The following HRG variants were observed in gnomAD, a reference collection of about 807,000 sequenced individuals.
HRG encodes histidine rich glycoprotein, also known as histidine-rich glycoprotein.
HRG carries 26 observed loss-of-function variants against 29.5 expected under a neutral mutation model. That is an observed-to-expected ratio of 0.88 (90% confidence interval 0.65 to 1.22). HRG has a LOEUF of 1.22. HRG is among the 50% of genes most tolerant of loss of function. The pLI is 0.00. For missense variants in HRG, 671 were observed against 654.5 expected (o/e 1.03, Z -0.28); for synonymous variants, 243 against 240.4 (o/e 1.01, Z -0.10).
At position 186,676,251 on chromosome 3, in the gene HRG, A is replaced by G. The variant is rs142981587; in HGVS notation, c.742-796A>G. ...AGTGTTCAGCCTTTAGGAGTAAGGG[A>G]TGTTGATACCATCAAGCCTCAGTTA... On this transcript the variant is annotated intron_variant, in intron 6 of 6. Transcript: ENST00000232003. Among the ~76,000 whole-genome samples, 439 of 152,246 alleles carry G rather than the reference A, an allele frequency of 2.9e-3. 4 individuals carry two copies. The highest frequency in any genetic ancestry group is 0.01 in the African/African-American group (428 of 41,544).
At chr3:186,666,284 A>T (rs936476095) in intron 1 of HRG, 70 bp downstream of exon 1, 2 of 1,484,304 alleles carry the variant, frequency 1.3e-6, no homozygotes, top group Non-Finnish European at 1.9e-6. Flanking sequence ...TCTACCCCCT[A>T]GGCTTACTGC....
At chr3:186,671,200 T>C (rs1718776916) in intron 3 of HRG, among the ~76,000 whole-genome samples, 1 of 141,610 alleles carries the variant, frequency 7.1e-6, no homozygotes, top group South Asian at 2.2e-4. Context: ...TTATTTAATA[T>C]ATATGTTAAT....
rs56248425 is a variant in HRG at position 186,675,865 on chromosome 3, CTT to C, written c.741+695_741+696del. The stretch of plus-strand genomic sequence containing the variant: ...ATTGTCACCATGAACATGGCTCTGT[CTT>C]TTTTTTTTTTTTTTTTTTTGAGAAG... On this transcript the variant is annotated intron_variant, in intron 6 of 6. Coordinates refer to ENST00000232003, the MANE Select transcript of HRG (RefSeq NM_000412.5). Among the ~76,000 whole-genome samples, 392 of 97,074 alleles carry C rather than the reference CTT, an allele frequency of 4.0e-3. 1 individual carries two copies. Among genetic ancestry groups the C allele is most frequent in the African/African-American group, 0.013 (326 of 24,954 alleles). The allele number at this position is 97,074 out of a possible 152,430, so 63.7% of individuals were successfully genotyped here. A position where few individuals can be genotyped will look rare whatever the true frequency, so the allele number is the denominator to read the frequency against.
In HRG at chr3:186,671,737, A is replaced by C. The variant is rs755982098; in HGVS notation, c.506A>C (p.Asn169Thr). 2 of 1,614,064 alleles carry C rather than the reference A, an allele frequency of 1.2e-6. No homozygotes were observed. Among genetic ancestry groups the C allele is most frequent in the East Asian group, 4.5e-5 (2 of 44,876 alleles). Reference protein sequence around the residue: ...NKALEKYKEENDDFASFRVDR... With the variant: ...NKALEKYKEETDDFASFRVDR... Reference sequence around the variant, plus strand: ...GCCCTTGAGAAGTACAAAGAGGAGAATGATGACTTTGCCTCTTTCAGAGTG... The same window carrying C: ...GCCCTTGAGAAGTACAAAGAGGAGACTGATGACTTTGCCTCTTTCAGAGTG... The change falls in exon 4 of 7, where the codon AAT (asparagine) becomes ACT (threonine). Residue 169 changes from asparagine (N) to threonine (T), a missense_variant. Asn to Thr is a moderately conservative substitution (Grantham distance 65, BLOSUM62 0). Transcript: ENST00000232003.
chr3:186,675,312 A>T lies in HRG; in HGVS notation c.741+122A>T, dbSNP rs867915045. On this transcript the variant is annotated intron_variant, in intron 6 of 6. Coordinates refer to ENST00000232003, the MANE Select transcript of HRG (RefSeq NM_000412.5). ...GTGTGTGTGTGTGTGTGTGTGTGAG[A>T]GAGAGAGAGAGAGAGAGAGACAGAG... 1.7e-3 allele frequency: 1,093 copies of T among 628,978 alleles called. 5 individuals carry two copies. The African/African-American group carries it at 0.02, about 11-fold the overall frequency. 39.0% of individuals were successfully genotyped at this position (628,978 alleles called of 1,614,324 possible).
rs114895145 is a variant in HRG at position 186,666,156 on chromosome 3, G to A, written c.125G>A (p.Arg42Gln). Reference protein sequence around the residue: ...EKALDLINKRRRDGYLFQLLR... With the variant: ...EKALDLINKRQRDGYLFQLLR... ...GCTCTAGACCTGATCAATAAAAGGC[G>A]ACGGGATGGCTACCTTTTCCAATTG... Residue 42 changes from arginine (R) to glutamine (Q), a missense_variant, in exon 1 of 7, where the codon CGA becomes CAA. Arg to Gln is a conservative substitution (Grantham distance 43). Transcript: ENST00000232003. 3.7e-3 allele frequency: 6,043 copies of A among 1,614,178 alleles called. 19 individuals carry two copies. The highest frequency in any genetic ancestry group is 4.6e-3 in the Non-Finnish European group (5,371 of 1,180,006).
intron 6 of HRG, 137 bp downstream of exon 6, chr3:186,675,327 G>GAGAGAC: frequency 3.0e-6 from 2 of 676,810 alleles, no homozygotes; most frequent in Non-Finnish European, 5.5e-6. Flanking sequence ...GAGAGAGAGA[G>GAGAGAC]AGAGACAGAG....
chr3:186,669,161 TG>T, intron 2 of HRG, 110 bp downstream of exon 2: 2 of 782,578 alleles, frequency 2.6e-6, no homozygotes, highest in South Asian at 2.7e-5. Context: ...GGGCAGCTTT[TG>T]CCTTGAGATT....
rs115767711 is a variant in HRG, at chr3:186,666,158, C to A, written c.127C>A (p.Arg43=). 1.2e-6 allele frequency: 2 copies of A among 1,614,158 alleles called. No homozygotes were observed. The highest frequency in any genetic ancestry group is 1.7e-6 in the Non-Finnish European group (2 of 1,180,018). ...TCTAGACCTGATCAATAAAAGGCGA[C>A]GGGATGGCTACCTTTTCCAATTGCT... ...KALDLINKRR[R]DGYLFQLLRI... is the part of the protein sequence containing the mutation. Residue 43 remains arginine (R), a synonymous_variant, in exon 1 of 7, where the codon CGG becomes AGG. Transcript: ENST00000232003.
intron 2 of HRG, 84 bp downstream of exon 2, chr3:186,669,135 C>A: frequency 1.2e-6 from 1 of 838,382 alleles, no homozygotes; most frequent in South Asian, 1.3e-5. Flanking sequence ...CCTGGGCTAA[C>A]ACAGTAGAAG....
In HRG at chr3:186,675,035, G is replaced by T. The variant is rs74896442; in HGVS notation, c.640-54G>T. On this transcript the variant is annotated intron_variant, in intron 5 of 6. Transcript: ENST00000232003. ...AATGTCTGGAAGCTAACTCTGGCTGGTCATCTTCACACCACCTGGACACAC... is the reference window on the plus strand; with the variant it reads ...AATGTCTGGAAGCTAACTCTGGCTGTTCATCTTCACACCACCTGGACACAC... 4,413 of 1,188,618 alleles carry T rather than the reference G, an allele frequency of 3.7e-3. 115 individuals carry two copies. In the African/African-American group the frequency reaches 0.058, roughly 16 times the overall value. The allele number at this position is 1,188,618 out of a possible 1,614,324, so 73.6% of individuals were successfully genotyped here. A position where few individuals can be genotyped will look rare whatever the true frequency, so the allele number is the denominator to read the frequency against.
chr3:186,677,259 A>G lies in HRG; in HGVS notation c.954A>G (p.Pro318=), dbSNP rs55763243. ...CCCCACTTCCACAAGGCCCTCCTCC[A>G]CTATTGCCCATGTCCTGCTCAAGTT... ...HGPPLPQGPP[P]LLPMSCSSCQ... is the part of the protein sequence containing the mutation. Residue 318 remains proline (P), a synonymous_variant, in exon 7 of 7, where the codon CCA becomes CCG. Coordinates refer to ENST00000232003, the MANE Select transcript of HRG (RefSeq NM_000412.5). 1.2e-3 allele frequency: 1,964 copies of G among 1,614,002 alleles called. 6 individuals are homozygous for G. The highest frequency in any genetic ancestry group is 1.2e-3 in the Non-Finnish European group (1,454 of 1,180,006).
chr3:186,666,681 A>G (rs938651416), intron 1 of HRG, among the ~76,000 whole-genome samples: 6 of 152,036 alleles, frequency 3.9e-5, no homozygotes, highest in Non-Finnish European at 8.8e-5. Flanking sequence ...TTGGGAGGCC[A>G]AGGCGGACGG....
chr3:186,668,803 G>A (rs1718690327), intron 1 of HRG, 132 bp from the exon 2 acceptor site: 1 of 669,560 alleles, frequency 1.5e-6, no homozygotes, highest in Non-Finnish European at 2.7e-6. Flanking sequence ...ATGACGCAAA[G>A]GTAGAGCATC....
intron 5 of HRG, chr3:186,674,846 C>T: frequency 2.1e-6 from 1 of 473,626 alleles, no homozygotes; most frequent in Non-Finnish European, 3.9e-6. Context: ...CATGGGGAAG[C>T]CCAGTGCTGG....
chr3:186,668,325 G>T (rs547526147), intron 1 of HRG, among the ~76,000 whole-genome samples: 1 of 152,270 alleles, frequency 6.6e-6, no homozygotes, highest in South Asian at 2.1e-4. Flanking sequence ...ATGAGACTGA[G>T]GAATAGACAT....
At chr3:186,669,586 G>A (rs1236723623) in intron 2 of HRG, 6 of 377,842 alleles carry the variant, frequency 1.6e-5, no homozygotes, top group Non-Finnish European at 2.5e-5. Context: ...CTCTGACACA[G>A]GTGGAGAACA....
chr3:186,669,943 C>T lies in HRG; in HGVS notation c.306C>T (p.Ile102=), dbSNP rs73886012. 1,873 of 1,565,278 alleles carry T rather than the reference C, an allele frequency of 1.2e-3. 16 individuals are homozygous for T. The African/African-American group carries it at 0.021, about 18-fold the overall frequency. Residue 102 remains isoleucine (I), a synonymous_variant, in exon 3 of 7, where the codon ATC becomes ATT. Transcript: ENST00000232003. ...CAAGAGCCTCTTTCTTACAGGTGAT[C>T]GGACAATGTAAGGTAATAGCTACAA... ...PDSRRPSEIV[I]GQCKVIATRH...
At position 186,675,210 on chromosome 3, in the gene HRG, T is replaced by C. The variant is rs932501072; in HGVS notation, c.741+20T>C. On this transcript the variant is annotated intron_variant, in intron 6 of 6. Transcript: ENST00000232003. ...CCTCAGGTGGGTTGTCTAAGCAGAC[T>C]TTGTCATGGCAGTGCCAGATTAAGT... 7 of 1,522,440 alleles carry C rather than the reference T, an allele frequency of 4.6e-6. No homozygotes were observed. The African/African-American group carries it at 6.9e-5, about 15-fold the overall frequency. The allele number at this position is 1,522,440 out of a possible 1,614,324, so 94.3% of individuals were successfully genotyped here.
Sources: allele counts gnomAD v4.1 joint callset (sites outside exome capture counted in the v4.1 genomes callset), GRCh38; gene constraint gnomAD v4.1.1; transcripts MANE v1.5; gene names NCBI Gene and HGNC (gene_info 2026-07-23, HGNC 2026-07-21).